ARB2A: variants seen among roughly 807,000 people sequenced by gnomAD.
ARB2A encodes cotranscriptional regulator ARB2A.
At chr5:93,964,785 A>G in the ARB2A span, among the ~76,000 whole-genome samples, 3 of 152,048 alleles carry the variant, frequency 2.0e-5, no homozygotes, top group African/African-American at 7.2e-5. Flanking sequence ...CTCTTTTTCA[A>G]GAGAATACTC....
chr5:94,004,082 A>G, the ARB2A span, among the ~76,000 whole-genome samples: 7 of 152,328 alleles, frequency 4.6e-5, no homozygotes, highest in South Asian at 2.1e-4. Flanking sequence ...GAGCAATTCA[A>G]TGAAGGAAAG....
chr5:93,732,780 G>A, the ARB2A span, among the ~76,000 whole-genome samples: 1 of 152,052 alleles, frequency 6.6e-6, no homozygotes, highest in East Asian at 1.9e-4. Flanking sequence ...AGAAGACTAG[G>A]AGAATGTGTA....
the ARB2A span, chr5:93,741,247 G>A: frequency 1.2e-6 from 2 of 1,613,914 alleles, no homozygotes; most frequent in Non-Finnish European, 1.7e-6. Context: ...GCTCCGCAGG[G>A]CAATGTAGGG....
the ARB2A span, among the ~76,000 whole-genome samples, chr5:93,703,240 C>G: frequency 6.6e-6 from 1 of 152,102 alleles, no homozygotes; most frequent in South Asian, 2.1e-4. Flanking sequence ...GGCAAACCTT[C>G]AGGAACTGCC....
the ARB2A span, among the ~76,000 whole-genome samples, chr5:94,004,588 A>G: frequency 6.6e-6 from 1 of 152,046 alleles, no homozygotes; most frequent in South Asian, 2.1e-4. Context: ...TCTCAAAAAA[A>G]AAAAAAAATT....
the ARB2A span, among the ~76,000 whole-genome samples, chr5:94,040,894 T>C: frequency 6.6e-6 from 1 of 152,142 alleles, no homozygotes; most frequent in Non-Finnish European, 1.5e-5. Flanking sequence ...CTAATGTCTA[T>C]GTTTCGTCAC....
the ARB2A span, among the ~76,000 whole-genome samples, chr5:94,066,547 C>T: frequency 2.0e-5 from 3 of 151,254 alleles, no homozygotes; most frequent in Admixed American, 2.0e-4. Flanking sequence ...AAGGTCATAA[C>T]AGACTATTAT....
the ARB2A span, among the ~76,000 whole-genome samples, chr5:93,906,919 C>T: frequency 6.6e-6 from 1 of 151,496 alleles, no homozygotes; most frequent in East Asian, 1.9e-4. Context: ...CTGCATAATT[C>T]TCCCTTGCTG....
At chr5:93,645,972 C>G in the ARB2A span, among the ~76,000 whole-genome samples, 2 of 152,108 alleles carry the variant, frequency 1.3e-5, no homozygotes, top group African/African-American at 4.8e-5. Flanking sequence ...TAACTATGGA[C>G]TATAGTTTTT....
the ARB2A span, chr5:93,805,570 A>ATAAT: frequency 2.0e-6 from 2 of 985,148 alleles, no homozygotes; most frequent in Non-Finnish European, 2.4e-6. Context: ...ATCCTTCCTG[A>ATAAT]TAATTACACA....
the ARB2A span, among the ~76,000 whole-genome samples, chr5:94,013,223 G>A: frequency 7.0e-6 from 1 of 143,152 alleles, no homozygotes; most frequent in Non-Finnish European, 1.5e-5. Flanking sequence ...CTGTCACCCA[G>A]GCTGGAATGC....
the ARB2A span, among the ~76,000 whole-genome samples, chr5:93,837,674 T>C: frequency 6.6e-6 from 1 of 152,128 alleles, no homozygotes; most frequent in Non-Finnish European, 1.5e-5. Context: ...CAGCATCTGT[T>C]ATTTTTTGAC....
the ARB2A span, among the ~76,000 whole-genome samples, chr5:94,026,042 G>C: frequency 6.6e-6 from 1 of 152,202 alleles, no homozygotes; most frequent in Non-Finnish European, 1.5e-5. Flanking sequence ...TTGCAAGCTA[G>C]TCCTGCAGTG....
the ARB2A span, among the ~76,000 whole-genome samples, chr5:94,005,113 G>GA: frequency 7.2e-6 from 1 of 139,324 alleles, no homozygotes; most frequent in Non-Finnish European, 1.5e-5. Flanking sequence ...ATGAAAAATT[G>GA]AAAAAAATAG....
chr5:93,856,626 G>A, the ARB2A span, among the ~76,000 whole-genome samples: 7 of 152,142 alleles, frequency 4.6e-5, no homozygotes, highest in Non-Finnish European at 5.9e-5. Flanking sequence ...TTGGCTTTCA[G>A]CTCCATCAGC....
At chr5:94,031,539 A>C in the ARB2A span, among the ~76,000 whole-genome samples, 3 of 152,346 alleles carry the variant, frequency 2.0e-5, no homozygotes, top group East Asian at 5.8e-4. Context: ...AGAGAAAGGA[A>C]GCAGAGCAAA....
the ARB2A span, among the ~76,000 whole-genome samples, chr5:93,951,640 T>C: frequency 6.6e-6 from 1 of 152,220 alleles, no homozygotes. Flanking sequence ...TGTAGATGTA[T>C]GTATTTATTT....
the ARB2A span, among the ~76,000 whole-genome samples, chr5:93,746,784 C>T: frequency 6.6e-6 from 1 of 152,044 alleles, no homozygotes; most frequent in Non-Finnish European, 1.5e-5. Context: ...GCACCAGAAG[C>T]CTTAAGGAAT....
At chr5:93,846,736 C>G in the ARB2A span, among the ~76,000 whole-genome samples, 8 of 151,936 alleles carry the variant, frequency 5.3e-5, no homozygotes, top group Non-Finnish European at 5.9e-5. Flanking sequence ...TACTTTATTG[C>G]TAAAAACTGC....
Sources: gnomAD v4.1 joint callset for allele counts (sites outside exome capture counted in the v4.1 genomes callset) on GRCh38, gnomAD v4.1.1 for gene constraint, MANE v1.5 for transcripts, NCBI Gene and HGNC (gene_info 2026-07-23, HGNC 2026-07-21) for gene names.